Variants in ING1 observed in about 807,000 individuals in gnomAD.
ING1 encodes inhibitor of growth protein 1.
Under a neutral mutation model 23.1 loss-of-function variants are expected in ING1, and 4 were observed. That is an observed-to-expected ratio of 0.17 (90% CI 0.09 to 0.40). The LOEUF is 0.40. Ranked by LOEUF, ING1 falls within the 10% of genes least tolerant of loss-of-function variation. The pLI, the probability that ING1 is intolerant of heterozygous loss-of-function variation, is 1.00. For synonymous variants in ING1, 179 were observed against 166.4 expected, an observed-to-expected ratio of 1.08 and a Z score of -0.58; for missense variants, 256 against 393.8, an observed-to-expected ratio of 0.65 and a Z score of 2.96.
chr13:110,718,997 C>T (rs1271587863), intron 1 of ING1, among the ~76,000 whole-genome samples: 2 of 150,342 alleles, frequency 1.3e-5, no homozygotes, highest in Admixed American at 1.3e-4. Flanking sequence ...CGGCTCCTGC[C>T]GCTGTGGAAG....
At chr13:110,717,546 G>C (rs1304623112) in intron 1 of ING1, among the ~76,000 whole-genome samples, 1 of 152,122 alleles carries the variant, frequency 6.6e-6, no homozygotes, top group Non-Finnish European at 1.5e-5. Flanking sequence ...AGTATTGTTG[G>C]CCAGGCACGG....
At chr13:110,715,900 C>A in intron 1 of ING1, 1 of 1,585,458 alleles carries the variant, frequency 6.3e-7, no homozygotes, top group Non-Finnish European at 8.5e-7. Context: ...GGCTCGGGGC[C>A]GGGGCTGCAG....
chr13:110,714,092 C>T lies in ING1; in HGVS notation c.-58C>T, dbSNP rs2064077027. On this transcript the variant is annotated 5_prime_UTR_variant, in exon 1 of 2. Transcript: ENST00000333219. ...TTGCAGTGCTATTTTTTGAGGGGGG[C>T]GGGGGGTGGAGGAAGCGGAAAGCCG... 5 of 1,325,454 alleles carry T rather than the reference C, an allele frequency of 3.8e-6. No homozygotes were observed. The highest frequency in any genetic ancestry group is 2.4e-5 in the Admixed American group (1 of 41,872). The allele number at this position is 1,325,454 out of a possible 1,614,324, so 82.1% of individuals were successfully genotyped here.
chr13:110,713,995 C>G lies in ING1; in HGVS notation c.-155C>G. 8.8e-7 allele frequency: 1 copy of G among 1,138,368 alleles called. No individual in the cohort carries two copies. Among genetic ancestry groups the G allele is most frequent in the South Asian group, 4.1e-5 (1 of 24,458 alleles). The allele number at this position is 1,138,368 out of a possible 1,614,324, so 70.5% of individuals were successfully genotyped here. A position where few individuals can be genotyped will look rare whatever the true frequency, so the allele number is the denominator to read the frequency against. On this transcript the variant is annotated 5_prime_UTR_variant, in exon 1 of 2. Transcript: ENST00000333219. ...CGCGGACCCGGAGGCGGCGGACGGG[C>G]TCGGCAGATGTAGCCGCCGGGCCGA...
At chr13:110,714,371 T>C (rs940004562) in intron 1 of ING1, 86 bp downstream of exon 1, 1 of 1,224,564 alleles carries the variant, frequency 8.2e-7, no homozygotes, top group Non-Finnish European at 1.0e-6. Flanking sequence ...GGTCCTGCCG[T>C]GGACCGGAGG....
At chr13:110,715,386 G>A (rs2064104211) in intron 1 of ING1, 4 of 1,503,024 alleles carry the variant, frequency 2.7e-6, no homozygotes, top group Non-Finnish European at 3.6e-6. Context: ...GAATTTTATA[G>A]GAACTTCATT....
chr13:110,715,946 G>C (rs767137134), intron 1 of ING1: 3 of 1,549,654 alleles, frequency 1.9e-6, no homozygotes, highest in Non-Finnish European at 2.6e-6. Flanking sequence ...GGGCCGGCTC[G>C]GAGACAGTTT....
rs2139976084 is a variant in ING1 at position 110,719,577 on chromosome 13, C to T, written c.485C>T (p.Ala162Val). ...RQRNNENREN[A>V]SSNHDHDDGA... ...CGCAACAACGAGAACCGTGAGAACG[C>T]GTCCAGCAACCACGACCACGACGAC... The change falls in exon 2 of 2, where the codon GCG becomes GTG. Residue 162 changes from alanine (A) to valine (V), a missense_variant. Ala to Val is a moderately conservative substitution (Grantham distance 64, BLOSUM62 0). This residue lies in a region of ING1 where 209 missense variants were observed against 273.8 expected (regional missense o/e 0.76). Coordinates refer to ENST00000333219, the MANE Select transcript of ING1 (RefSeq NM_198219.3). This position sits in a 1 kb window ranked among gnomAD's most constrained non-coding sequence, Gnocchi z 8.9. 6.2e-7 allele frequency: 1 copy of T among 1,611,246 alleles called. No homozygotes were observed. Among genetic ancestry groups the T allele is most frequent in the Non-Finnish European group, 8.5e-7 (1 of 1,179,224 alleles).
Position 110,713,977 on chromosome 13 carries a change from C to T in ING1, c.-173C>T. ...CTCAGGCGCTGGGGTCCCCGCGGACCCGGAGGCGGCGGACGGGCTCGGCAG... is the reference window on the plus strand; with the variant it reads ...CTCAGGCGCTGGGGTCCCCGCGGACTCGGAGGCGGCGGACGGGCTCGGCAG... On this transcript the variant is annotated 5_prime_UTR_variant, in exon 1 of 2. Coordinates refer to ENST00000333219, the MANE Select transcript of ING1 (RefSeq NM_198219.3). 1 of 1,086,904 alleles carries T rather than the reference C, an allele frequency of 9.2e-7. No homozygotes were observed. Among genetic ancestry groups the T allele is most frequent in the Non-Finnish European group, 1.1e-6 (1 of 895,420 alleles). 67.3% of individuals were successfully genotyped at this position (1,086,904 alleles called of 1,614,324 possible).
rs2064148982 is a variant in ING1 at position 110,719,130 on chromosome 13, C to T, written c.137-99C>T. The T allele has an allele frequency of 1.0e-5, 12 of 1,193,978 alleles. No individual in the cohort carries two copies. The Admixed American group carries it at 1.3e-4, about 13-fold the overall frequency. 74.0% of individuals were successfully genotyped at this position (1,193,978 alleles called of 1,614,324 possible). A position where few individuals can be genotyped will look rare whatever the true frequency, so the allele number is the denominator to read the frequency against. On this transcript the variant is annotated intron_variant, in intron 1 of 1. Transcript: ENST00000333219. The surrounding 1 kb of genome is among the most constrained non-coding windows in gnomAD (Gnocchi z 8.9). The stretch of plus-strand genomic sequence containing the variant: ...GTTCTGGGCAAGCCGTGCGCTGGCC[C>T]CTAGGCTCCCTGCCAGCCCTCTCCG...
In ING1 at chr13:110,719,512, G is replaced by T. The variant is rs1455195959; in HGVS notation, c.420G>T (p.Ala140=). 1.9e-6 allele frequency: 3 copies of T among 1,611,124 alleles called. No homozygotes were observed. Among genetic ancestry groups the T allele is most frequent in the African/African-American group, 2.7e-5 (2 of 74,782 alleles). The part of the protein sequence containing the change: ...GADRPKGEAA[A]QADKPNSKRS... ...ACAGGCCCAAAGGCGAGGCGGCAGC[G>T]CAGGCTGACAAGCCCAACAGCAAGC... Residue 140 remains alanine, a synonymous_variant, in exon 2 of 2, where the codon GCG becomes GCT. Transcript: ENST00000333219. The surrounding 1 kb of genome is among the most constrained non-coding windows in gnomAD (Gnocchi z 8.9).
chr13:110,713,465 T>G (rs1406156940), upstream of ING1: 1 of 990,062 alleles, frequency 1.0e-6, no homozygotes, highest in South Asian at 4.4e-5. Flanking sequence ...TCGCCCGCCG[T>G]CCACACCCCA....
chr13:110,714,728 C>T (rs1469957944), intron 1 of ING1, among the ~76,000 whole-genome samples: 7 of 152,194 alleles, frequency 4.6e-5, no homozygotes, highest in African/African-American at 1.2e-4. Context: ...CCCGGTGCCT[C>T]GGTCCCGGGC....
chr13:110,719,151 C>A lies in ING1; in HGVS notation c.137-78C>A. The A allele has an allele frequency of 7.0e-7, 1 of 1,434,340 alleles. No homozygotes were observed. Among genetic ancestry groups the A allele is most frequent in the Non-Finnish European group, 9.6e-7 (1 of 1,044,608 alleles). 88.9% of individuals were successfully genotyped at this position (1,434,340 alleles called of 1,614,324 possible). The stretch of plus-strand genomic sequence containing the variant: ...GGCCCCTAGGCTCCCTGCCAGCCCT[C>A]TCCGTAGACCCGTCCGGGGCCGTGT... On this transcript the variant is annotated intron_variant, in intron 1 of 1. Transcript: ENST00000333219. This position sits in a 1 kb window ranked among gnomAD's most constrained non-coding sequence, Gnocchi z 8.9.
Position 110,713,848 on chromosome 13 carries a change from C to A in ING1, c.-302C>A. ...GGGCCCTCTCCCGCCGGTGTGTGCG[C>A]GCTCGTACGCGCGGCCCCCGGCGCC... On this transcript the variant is annotated 5_prime_UTR_variant, in exon 1 of 2. Coordinates refer to ENST00000333219, the MANE Select transcript of ING1 (RefSeq NM_198219.3). 7.1e-6 allele frequency: 7 copies of A among 982,542 alleles called. No individual in the cohort carries two copies. The highest frequency in any genetic ancestry group is 8.4e-6 in the Non-Finnish European group (7 of 828,746). 60.9% of individuals were successfully genotyped at this position (982,542 alleles called of 1,614,324 possible).
chr13:110,713,925 G>A lies in ING1; in HGVS notation c.-225G>A. 15 of 989,264 alleles carry A rather than the reference G, an allele frequency of 1.5e-5. No individual in the cohort carries two copies. Among genetic ancestry groups the A allele is most frequent in the Non-Finnish European group, 1.7e-5 (14 of 833,536 alleles). The allele number at this position is 989,264 out of a possible 1,614,324, so 61.3% of individuals were successfully genotyped here. A position where few individuals can be genotyped will look rare whatever the true frequency, so the allele number is the denominator to read the frequency against. The stretch of plus-strand genomic sequence containing the variant: ...CGCCGCCGGCCGGGGCGTGCGCCCG[G>A]GAGCCACCGCCACCGCGGCCCGCGC... On this transcript the variant is annotated 5_prime_UTR_variant, in exon 1 of 2. Transcript: ENST00000333219.
At chr13:110,716,087 C>T in intron 1 of ING1, 1 of 1,414,410 alleles carries the variant, frequency 7.1e-7, no homozygotes. Flanking sequence ...TCGGGCCGGA[C>T]GGGCCCCGTG....
chr13:110,715,978 C>T, intron 1 of ING1: 11 of 1,515,356 alleles, frequency 7.3e-6, no homozygotes, highest in Non-Finnish European at 9.6e-6. Context: ...TCTGCTGACC[C>T]GAGGGTGGGG....
At chr13:110,713,173 C>G (rs1295606988), upstream of ING1, 21 of 1,427,506 alleles carry the variant, frequency 1.5e-5, no homozygotes, top group East Asian at 5.0e-5. Flanking sequence ...ATTGGGCTGT[C>G]AAAGTGATGT....
Sources: gnomAD v4.1 joint callset for allele counts (sites outside exome capture counted in the v4.1 genomes callset) on GRCh38, gnomAD v4.1.1 for gene constraint, gnomAD v4.1.1 regional missense constraint, Gnocchi (gnomAD v3.1) non-coding constraint, MANE v1.5 for transcripts, NCBI Gene and HGNC (gene_info 2026-07-23, HGNC 2026-07-21) for gene names.